ANK3: variants seen among roughly 807,000 people sequenced by gnomAD.
The protein encoded by ANK3 is ankyrin-3.
ANK3 carries 57 observed loss-of-function variants against 370.9 expected under a neutral mutation model. That is an observed-to-expected ratio of 0.15 (90% CI 0.12 to 0.19). The LOEUF (loss-of-function observed/expected upper bound fraction) is 0.19, where lower values mean the gene tolerates loss of function less well. ANK3 is among the 10% of genes least tolerant of loss of function. The pLI is 1.00. For synonymous variants in ANK3, 1,929 were observed against 1,946.3 expected (o/e 0.99, Z 0.23); for missense variants, 4,439 against 5,302.1 (o/e 0.84, Z 5.06).
At position 60,236,497 on chromosome 10, in the gene ANK3, G is replaced by A. The variant is rs1170496441; in HGVS notation, c.799-1711C>T. Among the ~76,000 whole-genome samples, 9 of 152,206 alleles carry A rather than the reference G, an allele frequency of 5.9e-5. No homozygotes were observed. The East Asian group carries it at 1.7e-3, about 29-fold the overall frequency. On this transcript the variant is annotated intron_variant, in intron 7 of 43. Coordinates refer to ENST00000280772, the MANE Select transcript of ANK3 (RefSeq NM_020987.5). ...TGTTCATTTATTTATTGAAGAAACT[G>A]GGTAATTTATTGTGTAGACTCTTCC...
At chr10:60,250,741 T>C (rs1329114660) in intron 7 of ANK3, among the ~76,000 whole-genome samples, 1 of 152,234 alleles carries the variant, frequency 6.6e-6, no homozygotes, top group Admixed American at 6.5e-5. Flanking sequence ...CCAGGAAATA[T>C]ATATCATATG....
chr10:60,170,445 C>T (rs920569307), intron 21 of ANK3, among the ~76,000 whole-genome samples: 2 of 152,196 alleles, frequency 1.3e-5, no homozygotes, highest in Non-Finnish European at 2.9e-5. Context: ...TTACATGTAA[C>T]CGCTAAAGCA....
chr10:60,487,845 G>C (rs1399263531), intron 2 of ANK3, among the ~76,000 whole-genome samples: 2 of 151,834 alleles, frequency 1.3e-5, no homozygotes, highest in Non-Finnish European at 2.9e-5. Context: ...CGCCCGAGTA[G>C]CTGGGACTAC....
chr10:60,346,687 T>C (rs1318014085), intron 1 of ANK3, among the ~76,000 whole-genome samples: 1 of 152,102 alleles, frequency 6.6e-6, no homozygotes, highest in Non-Finnish European at 1.5e-5. Flanking sequence ...CCAACTCTCA[T>C]ACTTTGGAAA....
chr10:60,513,275 G>A (rs1042873233), intron 2 of ANK3, among the ~76,000 whole-genome samples: 2 of 152,068 alleles, frequency 1.3e-5, no homozygotes, highest in Non-Finnish European at 2.9e-5. Flanking sequence ...TGGAAACAAA[G>A]ATTATAAGAT....
intron 2 of ANK3, among the ~76,000 whole-genome samples, chr10:60,554,559 T>C (rs866817201): frequency 2.6e-5 from 4 of 152,160 alleles, no homozygotes; most frequent in Admixed American, 6.6e-5. Flanking sequence ...ATAAAGGAAG[T>C]AAATGAATGC....
chr10:60,273,052 A>AC (rs1324013222), intron 4 of ANK3, among the ~76,000 whole-genome samples: 1 of 152,174 alleles, frequency 6.6e-6, no homozygotes, highest in Non-Finnish European at 1.5e-5. Flanking sequence ...TTTCTTACAG[A>AC]CCGGGAGTTT....
At chr10:60,402,013 C>G (rs1378032347) in intron 2 of ANK3, among the ~76,000 whole-genome samples, 1 of 152,162 alleles carries the variant, frequency 6.6e-6, no homozygotes, top group African/African-American at 2.4e-5. Flanking sequence ...TTTTCTGTGA[C>G]AGTTGGCAGA....
chr10:60,122,367 C>T (rs570594750), intron 25 of ANK3, among the ~76,000 whole-genome samples: 4 of 152,312 alleles, frequency 2.6e-5, no homozygotes, highest in African/African-American at 9.6e-5. Context: ...CTGGCCTGGG[C>T]CAGCACCACA....
chr10:60,406,936 C>T (rs974698314), intron 2 of ANK3, among the ~76,000 whole-genome samples: 9 of 152,134 alleles, frequency 5.9e-5, no homozygotes, highest in Non-Finnish European at 1.3e-4. Context: ...GAAAGCAAGC[C>T]GTTTAATGTC....
At chr10:60,053,685 AGCAGGCAGTCAT>A in intron 42 of ANK3, 1 of 1,303,978 alleles carries the variant, frequency 7.7e-7, no homozygotes, top group South Asian at 1.2e-5. Flanking sequence ...ACCTTATAAC[AGCAGGCAGTCAT>A]CCGTGTAGGA....
chr10:60,033,413 G>A (rs923272641), intron 43 of ANK3, among the ~76,000 whole-genome samples: 3 of 150,754 alleles, frequency 2.0e-5, no homozygotes, highest in African/African-American at 7.3e-5. Flanking sequence ...TACTCAGGAG[G>A]CTGAGGCAGG....
chr10:60,207,105 T>A (rs778047512), intron 10 of ANK3, among the ~76,000 whole-genome samples: 6 of 152,184 alleles, frequency 3.9e-5, no homozygotes, highest in African/African-American at 4.8e-5. Flanking sequence ...ACTGGGTGGG[T>A]CAACAGACTG....
intron 38 of ANK3, 46 bp downstream of exon 38, chr10:60,067,889 G>A (rs758253827): frequency 1.4e-6 from 2 of 1,478,204 alleles, no homozygotes; most frequent in Non-Finnish European, 9.3e-7. Flanking sequence ...GTAAGACAAA[G>A]AAATGAAGAA....
intron 1 of ANK3, among the ~76,000 whole-genome samples, chr10:60,634,526 G>C (rs1217253128): frequency 6.6e-6 from 1 of 152,080 alleles, no homozygotes; most frequent in Non-Finnish European, 1.5e-5. Context: ...TTGGCACTCT[G>C]TAAAATGGGC....
chr10:60,253,503 G>T (rs2097696124), intron 7 of ANK3, among the ~76,000 whole-genome samples: 1 of 152,174 alleles, frequency 6.6e-6, no homozygotes, highest in Non-Finnish European at 1.5e-5. Context: ...GTATGTAAGA[G>T]ATTCTCCTTT....
chr10:60,172,258 T>C (rs1445277304), intron 21 of ANK3, 50 bp downstream of exon 21: 1 of 1,448,138 alleles, frequency 6.9e-7, no homozygotes, highest in Non-Finnish European at 9.6e-7. Flanking sequence ...CCAAGAAAAC[T>C]GGCTGAAAGC....
intron 1 of ANK3, among the ~76,000 whole-genome samples, chr10:60,636,283 G>A (rs1013022729): frequency 8.6e-5 from 13 of 151,884 alleles, no homozygotes; most frequent in African/African-American, 2.2e-4. Flanking sequence ...AGATCTAATC[G>A]TGAATATAGA....
At chr10:60,171,901 C>T (rs1219515183) in intron 21 of ANK3, among the ~76,000 whole-genome samples, 2 of 152,152 alleles carry the variant, frequency 1.3e-5, no homozygotes, top group Non-Finnish European at 2.9e-5. Context: ...GATAATGTAT[C>T]CATGTACCAT....
Sources: gnomAD v4.1 joint callset for allele counts (sites outside exome capture counted in the v4.1 genomes callset) on GRCh38, gnomAD v4.1.1 for gene constraint, MANE v1.5 for transcripts, NCBI Gene and HGNC (gene_info 2026-07-23, HGNC 2026-07-21) for gene names.